The following PAX6 variants were observed in gnomAD, a reference collection of about 807,000 sequenced individuals.
The protein encoded by PAX6 is paired box protein Pax-6.
Under a neutral mutation model 60.7 loss-of-function variants are expected in PAX6, and 7 were observed. The ratio of observed to expected loss-of-function variants is 0.12; its 90% CI spans 0.07 to 0.22. The LOEUF (loss-of-function observed/expected upper bound fraction) is 0.22. Among genes scored for constraint, PAX6 ranks in the 10% least tolerant of loss-of-function variants. PAX6 has a pLI of 1.00. For missense variants in PAX6, 355 were observed against 555.2 expected (o/e 0.64, Z 3.62); for synonymous variants, 208 against 201.2 (o/e 1.03, Z -0.29).
At chr11:31,800,012 T>C (rs1339476421) in intron 8 of PAX6, among the ~76,000 whole-genome samples, 1 of 142,012 alleles carries the variant, frequency 7.0e-6, no homozygotes, top group African/African-American at 2.5e-5. Context: ...CTGGGGTGTT[T>C]CAGGTCCCAT....
intron 1 of PAX6, chr11:31,816,577 G>A (rs1197838664): frequency 1.4e-6 from 1 of 702,514 alleles, no homozygotes; most frequent in East Asian, 2.7e-5. Context: ...CTGCGAAGCA[G>A]GCGACCTGCT....
At position 31,810,927 on chromosome 11, in the gene PAX6, T is replaced by C; in HGVS notation, c.-228A>G. On this transcript the variant is annotated 5_prime_UTR_variant, in exon 2 of 14. Transcript: ENST00000640368. ...GTTGTTGCTTGAAGACCACAATGGT[T>C]TGAAATGACGGTGTTTTAAAGGAGT... 5 of 399,240 alleles carry C rather than the reference T, an allele frequency of 1.3e-5. No individual in the cohort carries two copies. The highest frequency in any genetic ancestry group is 2.2e-5 in the Non-Finnish European group (5 of 226,114). 24.7% of individuals were successfully genotyped at this position (399,240 alleles called of 1,614,324 possible).
At chr11:31,816,406 T>C in intron 1 of PAX6, 1 of 618,876 alleles carries the variant, frequency 1.6e-6, no homozygotes, top group Middle Eastern at 4.0e-4. Flanking sequence ...CGGCTCGCCC[T>C]GGGCGCGGAG....
chr11:31,806,550 A>G (rs1031043262), intron 3 of PAX6, 88 bp from the exon 4 acceptor site: 4 of 1,004,168 alleles, frequency 4.0e-6, no homozygotes, highest in African/African-American at 1.6e-5. Flanking sequence ...GGGCTAGGAC[A>G]GGAGAATCTC....
upstream of PAX6, chr11:31,815,024 C>CTCTCTCTCTCTCTCTCTT (rs1957312085): frequency 6.7e-6 from 1 of 149,760 alleles, no homozygotes; most frequent in Admixed American, 6.6e-5. Flanking sequence ...CTCTCTCTCT[C>CTCTCTCTCTCTCTCTCTT]TCTCTTTCTC....
rs1258807367 is a variant in PAX6, at chr11:31,790,762, C to T, written c.1173G>A (p.Met391Ile). 6.2e-7 allele frequency: 1 copy of T among 1,614,058 alleles called. No individual in the cohort carries two copies. Among genetic ancestry groups the T allele is most frequent in the East Asian group, 2.2e-5 (1 of 44,876 alleles). Residue 391 changes from methionine (M) to isoleucine (I), a missense_variant, in exon 13 of 14, where the codon ATG becomes ATA. Around this residue, in one of 5 missense-constraint regions of PAX6, gnomAD observed 149 missense variants for 191.9 expected, o/e 0.78. Transcript: ENST00000640368. ...RSYDTYTPPH[M>I]QTHMNSQPMG... ...TTGGCTGACTGTTCATGTGTGTCTG[C>T]ATATGTGGGGGGGTGTAGGTATCAT... is the stretch of plus-strand genomic sequence containing the variant.
At position 31,801,681 on chromosome 11, in the gene PAX6, C is replaced by A. The variant is rs538444180; in HGVS notation, c.279G>T (p.Ala93=). The A allele has an allele frequency of 1.2e-6, 2 of 1,613,998 alleles. No individual in the cohort carries two copies. Among genetic ancestry groups the A allele is most frequent in the Non-Finnish European group, 8.5e-7 (1 of 1,180,044 alleles). ...CTATTTTGCTTACAACTTCTGGAGT[C>A]GCTACTCTCGGTTTACTACCACCGA... ...RAIGGSKPRV[A]TPEVVSKIAQ... is the part of the protein sequence containing the mutation. Residue 93 remains alanine (A), a synonymous_variant, in exon 7 of 14, where the codon GCG becomes GCT. Transcript: ENST00000640368.
At chr11:31,806,725 T>C (rs1252790177) in intron 3 of PAX6, 124 bp downstream of exon 3, 2 of 408,644 alleles carry the variant, frequency 4.9e-6, no homozygotes, top group African/African-American at 4.1e-5. Context: ...CTTTAATCAG[T>C]AGAAGCGATG....
chr11:31,802,612 TA>T (rs1488880873), intron 5 of PAX6, 91 bp downstream of exon 5: 1 of 1,426,654 alleles, frequency 7.0e-7, no homozygotes, highest in Non-Finnish European at 9.4e-7. Flanking sequence ...GGGGGGTCCA[TA>T]ATTAGCATCG....
chr11:31,799,961 C>T (rs1267715963), intron 8 of PAX6, among the ~76,000 whole-genome samples: 1 of 149,704 alleles, frequency 6.7e-6, no homozygotes. Flanking sequence ...CCCCACCCCC[C>T]CCATCCCCCG....
chr11:31,792,952 A>G, intron 12 of PAX6: 1 of 388,062 alleles, frequency 2.6e-6, no homozygotes, highest in South Asian at 3.3e-5. Flanking sequence ...GTAAATATGA[A>G]TCCCATTTCT....
At chr11:31,805,983 G>A (rs1592604051) in intron 4 of PAX6, 4 of 191,492 alleles carry the variant, frequency 2.1e-5, no homozygotes, top group Non-Finnish European at 4.2e-5. Context: ...CGGGTTGGTG[G>A]AGACTTTCAG....
chr11:31,804,819 C>T (rs1252421700), intron 4 of PAX6: 1 of 152,284 alleles, frequency 6.6e-6, no homozygotes, highest in East Asian at 1.9e-4. Flanking sequence ...CTAGACCTCC[C>T]TCCTCACTCA....
intron 9 of PAX6, chr11:31,794,423 CACACA>C (rs1950844852): frequency 3.8e-3 from 12 of 3,184 alleles, no homozygotes; most frequent in African/African-American, 0.019. Flanking sequence ...ACACACACCA[CACACA>C]CACACACACA....
chr11:31,806,325 G>C, intron 4 of PAX6, 77 bp downstream of exon 4: 1 of 1,529,376 alleles, frequency 6.5e-7, no homozygotes, highest in Non-Finnish European at 8.9e-7. Context: ...CGGGCGTCGC[G>C]AGTCCCTGTG....
chr11:31,809,091 C>A (rs1221964204), intron 2 of PAX6, among the ~76,000 whole-genome samples: 1 of 152,156 alleles, frequency 6.6e-6, no homozygotes, highest in Non-Finnish European at 1.5e-5. Flanking sequence ...CAAATTCCAT[C>A]CCCAAACTCT....
chr11:31,807,936 G>C (rs562836827), intron 2 of PAX6: 18 of 152,250 alleles, frequency 1.2e-4, no homozygotes, highest in Non-Finnish European at 2.1e-4. Context: ...TTTTGGGTGA[G>C]TGGAGAAAAT....
At chr11:31,808,510 G>T (rs1956374294) in intron 2 of PAX6, 1 of 152,270 alleles carries the variant, frequency 6.6e-6, no homozygotes, top group African/African-American at 2.4e-5. Context: ...CTGCAAAGGA[G>T]TAGTAGGTGG....
At chr11:31,813,085 C>T (rs1322181492), upstream of PAX6, 2 of 152,188 alleles carry the variant, frequency 1.3e-5, no homozygotes, top group Middle Eastern at 3.4e-3. Context: ...TCTCCCCTCC[C>T]CGGGCTGGGG....
Sources: allele counts gnomAD v4.1 joint callset (sites outside exome capture counted in the v4.1 genomes callset), GRCh38; gene constraint gnomAD v4.1.1; regional missense constraint gnomAD v4.1.1; transcripts MANE v1.5; gene names NCBI Gene and HGNC (gene_info 2026-07-23, HGNC 2026-07-21).